TLR4: variants seen among roughly 807,000 people sequenced by gnomAD.
TLR4 encodes toll like receptor 4, also known as toll-like receptor 4.
Under a neutral mutation model 27.4 loss-of-function variants are expected in TLR4, and 17 were observed. That is an observed-to-expected ratio of 0.62 (90% CI 0.42 to 0.93). TLR4 has a LOEUF of 0.93. TLR4 is among the 40% of genes least tolerant of loss of function. The pLI, the probability that TLR4 is intolerant of heterozygous loss-of-function variation, is 0.00. For synonymous variants in TLR4, 363 were observed against 365.7 expected (o/e 0.99, Z 0.08); for missense variants, 926 against 962.3 (o/e 0.96, Z 0.50).
chr9:117,722,393 G>A lies in TLR4; in HGVS notation c.*7745G>A, dbSNP rs928676421. 6.6e-6 allele frequency: 1 copy of A among 152,202 alleles called. No individual in the cohort carries two copies. Among genetic ancestry groups the A allele is most frequent in the Non-Finnish European group, 1.5e-5 (1 of 68,040 alleles). 9.4% of individuals were successfully genotyped at this position (152,202 alleles called of 1,614,324 possible). ...TTTGGTCTTTAAGCTGAGACCCTGA[G>A]TCTTCTGAGGAGTCTACTGCTCCCC... On this transcript the variant is annotated 3_prime_UTR_variant, in exon 3 of 3. Transcript: ENST00000355622.
chr9:117,713,388 CT>C lies in TLR4; in HGVS notation c.1262del (p.Leu421Ter). ...TTACCATGAGTTCAAACTTCTTGGG[CT>C]TAGAACAACTAGAACATCTGGATTT... ...VITMSSNFLG[L>X]EQLEHLDFQH... On this transcript the variant is annotated frameshift_variant, in exon 3 of 3. Transcript: ENST00000355622. LOFTEE classifies it low-confidence loss of function (END_TRUNC). 6.2e-7 allele frequency: 1 copy of C among 1,614,058 alleles called. No homozygotes were observed. The highest frequency in any genetic ancestry group is 1.3e-5 in the African/African-American group (1 of 75,042).
rs4986790 is a variant in TLR4 at position 117,713,024 on chromosome 9, A to G, written c.896A>G (p.Asp299Gly). Reference sequence around the variant, plus strand: ...GCATACTTAGACTACTACCTCGATGATATTATTGACTTATTTAATTGTTTG... The same window carrying G: ...GCATACTTAGACTACTACCTCGATGGTATTATTGACTTATTTAATTGTTTG... ...RLAYLDYYLD[D>G]IIDLFNCLTN... Residue 299 changes from aspartate to glycine, a missense_variant, in exon 3 of 3, where the codon GAT becomes GGT. Asp to Gly is a moderately conservative substitution (Grantham distance 94). Transcript: ENST00000355622. 100,839 of 1,613,856 alleles carry G rather than the reference A, an allele frequency of 0.062. 3,677 individuals carry two copies. Among genetic ancestry groups the G allele is most frequent in the South Asian group, 0.11 (10,043 of 91,060 alleles).
At chr9:117,710,225 C>T (rs1464567730) in intron 2 of TLR4, among the ~76,000 whole-genome samples, 1 of 151,950 alleles carries the variant, frequency 6.6e-6, no homozygotes. Flanking sequence ...CTCTCTATCC[C>T]CTCTCTAGTA....
intron 1 of TLR4, chr9:117,708,145 T>A: frequency 1.0e-6 from 1 of 985,636 alleles, no homozygotes; most frequent in Non-Finnish European, 1.2e-6. Flanking sequence ...TATGATAAAA[T>A]GAGGCTCACT....
rs772920598 is a variant in TLR4, at chr9:117,719,535, A to C, written c.*4887A>C. The stretch of plus-strand genomic sequence containing the variant: ...TTATTATTATTACTTGTTTTTATTT[A>C]TATTACAGCTGTAAGAGCCAGGAAA... On this transcript the variant is annotated 3_prime_UTR_variant, in exon 3 of 3. Transcript: ENST00000355622. 8.5e-5 allele frequency: 13 copies of C among 152,206 alleles called. No individual in the cohort carries two copies. The highest frequency in any genetic ancestry group is 1.6e-4 in the Non-Finnish European group (11 of 68,044). The allele number at this position is 152,206 out of a possible 1,614,324, so 9.4% of individuals were successfully genotyped here. A position where few individuals can be genotyped will look rare whatever the true frequency, so the allele number is the denominator to read the frequency against.
rs1829368537 is a variant in TLR4, at chr9:117,717,430, A to G, written c.*2782A>G. On this transcript the variant is annotated 3_prime_UTR_variant, in exon 3 of 3. Coordinates refer to ENST00000355622, the MANE Select transcript of TLR4 (RefSeq NM_138554.5). ...TAACTAACAATAAAATTGAATAGTT[A>G]TAATAATATATTGTAATAAAAGTTA... The G allele has an allele frequency of 6.6e-6, 1 of 152,166 alleles. No homozygotes were observed. The highest frequency in any genetic ancestry group is 2.4e-5 in the African/African-American group (1 of 41,426). The allele number at this position is 152,166 out of a possible 1,614,324, so 9.4% of individuals were successfully genotyped here. A position where few individuals can be genotyped will look rare whatever the true frequency, so the allele number is the denominator to read the frequency against.
rs758800695 is a variant in TLR4, at chr9:117,719,804, CA to C, written c.*5157del. On this transcript the variant is annotated 3_prime_UTR_variant, in exon 3 of 3. Coordinates refer to ENST00000355622, the MANE Select transcript of TLR4 (RefSeq NM_138554.5). ...ACACTCTGGCTGCCCTTATGGAGATCACCGAACTTTTCAACTCAAAGTAAAA... is the reference window on the plus strand; with the variant it reads ...ACACTCTGGCTGCCCTTATGGAGATCCCGAACTTTTCAACTCAAAGTAAAA... 2.6e-5 allele frequency: 4 copies of C among 152,162 alleles called. No homozygotes were observed. Among genetic ancestry groups the C allele is most frequent in the Non-Finnish European group, 5.9e-5 (4 of 68,016 alleles). The allele number at this position is 152,162 out of a possible 1,614,324, so 9.4% of individuals were successfully genotyped here.
At position 117,720,237 on chromosome 9, in the gene TLR4, G is replaced by A. The variant is rs1465969636; in HGVS notation, c.*5589G>A. The stretch of plus-strand genomic sequence containing the variant: ...AACTTGGGTTGGCCTGATTCTTGGG[G>A]CTGCATTCTTTCCATAACATAATTG... On this transcript the variant is annotated 3_prime_UTR_variant, in exon 3 of 3. Transcript: ENST00000355622. 1 of 152,138 alleles carries A rather than the reference G, an allele frequency of 6.6e-6. No homozygotes were observed. Among genetic ancestry groups the A allele is most frequent in the Non-Finnish European group, 1.5e-5 (1 of 68,032 alleles). The allele number at this position is 152,138 out of a possible 1,614,324, so 9.4% of individuals were successfully genotyped here.
At chr9:117,705,119 GAA>G (rs1330307304) in intron 1 of TLR4, among the ~76,000 whole-genome samples, 7 of 151,346 alleles carry the variant, frequency 4.6e-5, no homozygotes, top group Non-Finnish European at 8.8e-5. Context: ...AATGAAAAAG[GAA>G]AAGAGAGAGA....
chr9:117,708,875 C>A, intron 2 of TLR4, 146 bp downstream of exon 2: 1 of 994,432 alleles, frequency 1.0e-6, no homozygotes, highest in African/African-American at 1.6e-5. Flanking sequence ...ACTATATAAC[C>A]TTGAGCAAGC....
chr9:117,724,316 T>C lies in TLR4; in HGVS notation c.*9668T>C, dbSNP rs1829454809. 6.6e-6 allele frequency: 1 copy of C among 152,258 alleles called. No homozygotes were observed. Among genetic ancestry groups the C allele is most frequent in the Non-Finnish European group, 1.5e-5 (1 of 68,056 alleles). 9.4% of individuals were successfully genotyped at this position (152,258 alleles called of 1,614,324 possible). ...TAAAACTCTTCCAAATATCTGAAGCTCAATTCTGTTGCCATTCTAAGCTCT... is the reference window on the plus strand; with the variant it reads ...TAAAACTCTTCCAAATATCTGAAGCCCAATTCTGTTGCCATTCTAAGCTCT... On this transcript the variant is annotated 3_prime_UTR_variant, in exon 3 of 3. Coordinates refer to ENST00000355622, the MANE Select transcript of TLR4 (RefSeq NM_138554.5).
chr9:117,720,806 C>T lies in TLR4; in HGVS notation c.*6158C>T, dbSNP rs532741299. Reference sequence around the variant, plus strand: ...ACTCTATCCACAGCCACCCCAGGACCTTGCCCCTCCGTCTTCCTAGGGCTC... The same window carrying T: ...ACTCTATCCACAGCCACCCCAGGACTTTGCCCCTCCGTCTTCCTAGGGCTC... On this transcript the variant is annotated 3_prime_UTR_variant, in exon 3 of 3. Coordinates refer to ENST00000355622, the MANE Select transcript of TLR4 (RefSeq NM_138554.5). 1 of 152,514 alleles carries T rather than the reference C, an allele frequency of 6.6e-6. No homozygotes were observed. Among genetic ancestry groups the T allele is most frequent in the Non-Finnish European group, 1.5e-5 (1 of 68,210 alleles). The allele number at this position is 152,514 out of a possible 1,614,324, so 9.4% of individuals were successfully genotyped here.
At position 117,724,089 on chromosome 9, in the gene TLR4, C is replaced by T. The variant is rs898590405; in HGVS notation, c.*9441C>T. ...TATATCACTATAGGGCTGCTATCAT[C>T]CTTCATCCTTATGCCACTGCAAATA... is the stretch of plus-strand genomic sequence containing the variant. On this transcript the variant is annotated 3_prime_UTR_variant, in exon 3 of 3. Transcript: ENST00000355622. The T allele has an allele frequency of 1.3e-5, 2 of 152,184 alleles. No homozygotes were observed. The highest frequency in any genetic ancestry group is 2.9e-5 in the Non-Finnish European group (2 of 68,044). The allele number at this position is 152,184 out of a possible 1,614,324, so 9.4% of individuals were successfully genotyped here.
rs1829417325 is a variant in TLR4, at chr9:117,721,051, G to A, written c.*6403G>A. ...ACTCTGACTTCATTCTTTTTAAGAT[G>A]GGTAACAAAGACTCTCTTCAAGGTT... On this transcript the variant is annotated 3_prime_UTR_variant, in exon 3 of 3. Transcript: ENST00000355622. The A allele has an allele frequency of 6.6e-6, 1 of 152,044 alleles. No individual in the cohort carries two copies. Among genetic ancestry groups the A allele is most frequent in the African/African-American group, 2.4e-5 (1 of 41,390 alleles). The allele number at this position is 152,044 out of a possible 1,614,324, so 9.4% of individuals were successfully genotyped here.
chr9:117,723,726 C>T lies in TLR4; in HGVS notation c.*9078C>T, dbSNP rs538657775. ...CTATATGTCATTCTTACAGGAGTCTCCTCTATTTCAGCAATGTGTATACTT... is the reference window on the plus strand; with the variant it reads ...CTATATGTCATTCTTACAGGAGTCTTCTCTATTTCAGCAATGTGTATACTT... On this transcript the variant is annotated 3_prime_UTR_variant, in exon 3 of 3. Transcript: ENST00000355622. The T allele has an allele frequency of 2.6e-5, 4 of 152,276 alleles. No homozygotes were observed. Among genetic ancestry groups the T allele is most frequent in the East Asian group, 3.9e-4 (2 of 5,186 alleles). 9.4% of individuals were successfully genotyped at this position (152,276 alleles called of 1,614,324 possible). A position where few individuals can be genotyped will look rare whatever the true frequency, so the allele number is the denominator to read the frequency against.
At chr9:117,705,662 C>G (rs1453195245) in intron 1 of TLR4, among the ~76,000 whole-genome samples, 8 of 152,192 alleles carry the variant, frequency 5.3e-5, no homozygotes, top group Non-Finnish European at 1.0e-4. Flanking sequence ...CTCATTTCCC[C>G]TGGCATTGAC....
chr9:117,704,974 G>A (rs1829112692), intron 1 of TLR4, among the ~76,000 whole-genome samples: 1 of 152,180 alleles, frequency 6.6e-6, no homozygotes. Context: ...GCTTCAAGCA[G>A]TCACCCTGCT....
rs955355042 is a variant in TLR4, at chr9:117,722,033, C to T, written c.*7385C>T. 4 of 152,126 alleles carry T rather than the reference C, an allele frequency of 2.6e-5. No individual in the cohort carries two copies. The highest frequency in any genetic ancestry group is 1.3e-4 in the Admixed American group (2 of 15,260). The allele number at this position is 152,126 out of a possible 1,614,324, so 9.4% of individuals were successfully genotyped here. On this transcript the variant is annotated 3_prime_UTR_variant, in exon 3 of 3. Transcript: ENST00000355622. Reference sequence around the variant, plus strand: ...TTTCTACCTATCACGTTGTCATTTTCCCTTCTTTATCATCCTGGGTAGCTG... The same window carrying T: ...TTTCTACCTATCACGTTGTCATTTTTCCTTCTTTATCATCCTGGGTAGCTG...
chr9:117,709,743 G>A (rs1927909), intron 2 of TLR4, among the ~76,000 whole-genome samples: 150,506 of 152,176 alleles, frequency 0.99, 74,449 homozygotes, highest in East Asian at 1. Flanking sequence ...AGAAGAGTGA[G>A]CATACGACCT....
Sources: allele counts gnomAD v4.1 joint callset (sites outside exome capture counted in the v4.1 genomes callset), GRCh38; gene constraint gnomAD v4.1.1; transcripts MANE v1.5; gene names NCBI Gene and HGNC (gene_info 2026-07-23, HGNC 2026-07-21).